Variants in TEAD1 observed in about 807,000 individuals in gnomAD.
TEAD1 encodes TEA domain transcription factor 1, also known as transcriptional enhancer factor TEF-1.
A neutral mutation model predicts 54.9 loss-of-function variants in TEAD1; 9 were observed. That is an observed-to-expected ratio of 0.16 (90% CI 0.10 to 0.29). The LOEUF (loss-of-function observed/expected upper bound fraction) is 0.29, where lower values mean the gene tolerates loss of function less well. Among genes scored for constraint, TEAD1 ranks in the 10% least tolerant of loss-of-function variants. The probability of loss-of-function intolerance (pLI) is 1.00; values close to 1 mark genes in which losing one functional copy is unlikely to be tolerated. For synonymous variants in TEAD1, 200 were observed against 187.8 expected (o/e 1.07, Z -0.53); for missense variants, 387 against 535.9 (o/e 0.72, Z 2.74).
chr11:12,787,539 G>T (rs911784952), intron 3 of TEAD1, among the ~76,000 whole-genome samples: 1 of 152,058 alleles, frequency 6.6e-6, no homozygotes, highest in Non-Finnish European at 1.5e-5. Context: ...GTTGTTTTTC[G>T]TTGCACAGAT....
chr11:12,829,289 T>C (rs10765995), intron 3 of TEAD1, among the ~76,000 whole-genome samples: 152,143 of 152,292 alleles, frequency 1, 75,997 homozygotes, highest in Middle Eastern at 1. Flanking sequence ...AAAACATACG[T>C]GAGAGAATGA....
intron 2 of TEAD1, among the ~76,000 whole-genome samples, chr11:12,760,713 T>C (rs930599026): frequency 1.3e-5 from 2 of 152,194 alleles, no homozygotes; most frequent in African/African-American, 4.8e-5. Flanking sequence ...TCCACACATT[T>C]TTAGGGTTCT....
At position 12,893,147 on chromosome 11, in the gene TEAD1, C is replaced by T. The variant is rs900906649; in HGVS notation, c.700-8793C>T. ...CATCTCATGCTTCGGAATAAGTGGT[C>T]GGAAAGTACATTTGGCCTTCCAGGT... is the stretch of plus-strand genomic sequence containing the variant. On this transcript the variant is annotated intron_variant, in intron 9 of 12. Coordinates refer to ENST00000527636, the MANE Select transcript of TEAD1 (RefSeq NM_021961.6). 3.3e-5 allele frequency among the ~76,000 whole-genome samples: 5 copies of T among 152,300 alleles called. No individual in the cohort carries two copies. The South Asian group carries it at 6.2e-4, about 19-fold the overall frequency.
rs1225331196 is a variant in TEAD1 at position 12,902,095 on chromosome 11, C to T, written c.855C>T (p.Phe285=). 1.9e-6 allele frequency: 3 copies of T among 1,614,128 alleles called. No individual in the cohort carries two copies. In the Admixed American group the frequency reaches 5.0e-5, roughly 27 times the overall value. Residue 285 remains phenylalanine, a synonymous_variant, in exon 10 of 13, where the codon TTC becomes TTT. Transcript: ENST00000527636. ...TTGGAAAGGGCCCTCAAAATGCCTTCTTCCTCGTAAAATTCTGGGTGAGTA... is the reference window on the plus strand; with the variant it reads ...TTGGAAAGGGCCCTCAAAATGCCTTTTTCCTCGTAAAATTCTGGGTGAGTA...
At chr11:12,715,070 G>A (rs1944027074) in intron 2 of TEAD1, among the ~76,000 whole-genome samples, 1 of 152,152 alleles carries the variant, frequency 6.6e-6, no homozygotes, top group Non-Finnish European at 1.5e-5. Context: ...TAGGAATGTA[G>A]CTATGAATAA....
intron 2 of TEAD1, among the ~76,000 whole-genome samples, chr11:12,730,066 T>C (rs1254630243): frequency 1.3e-5 from 2 of 152,228 alleles, no homozygotes; most frequent in Non-Finnish European, 2.9e-5. Context: ...TTAGTACTTA[T>C]TAATACATGT....
At chr11:12,712,447 A>G (rs771937704) in intron 2 of TEAD1, among the ~76,000 whole-genome samples, 9 of 152,236 alleles carry the variant, frequency 5.9e-5, no homozygotes, top group East Asian at 1.9e-4. Flanking sequence ...CAGCTCTGCA[A>G]TTTACCTTGC....
At chr11:12,750,701 C>G (rs1214571823) in intron 2 of TEAD1, among the ~76,000 whole-genome samples, 1 of 152,128 alleles carries the variant, frequency 6.6e-6, no homozygotes, top group Non-Finnish European at 1.5e-5. Context: ...CTTACATTTT[C>G]AGCCTCTGCT....
At chr11:12,794,819 A>T (rs1327078934) in intron 3 of TEAD1, among the ~76,000 whole-genome samples, 2 of 152,232 alleles carry the variant, frequency 1.3e-5, no homozygotes, top group African/African-American at 2.4e-5. Context: ...ATGCCTGGAC[A>T]CATCTCTCAG....
intron 9 of TEAD1, among the ~76,000 whole-genome samples, chr11:12,894,953 G>A (rs1421735441): frequency 1.3e-5 from 2 of 152,274 alleles, no homozygotes; most frequent in African/African-American, 4.8e-5. Flanking sequence ...GTTCTACTAA[G>A]TATACATATT....
intron 2 of TEAD1, among the ~76,000 whole-genome samples, chr11:12,713,666 G>A (rs559529829): frequency 6.6e-6 from 1 of 152,284 alleles, no homozygotes; most frequent in East Asian, 1.9e-4. Flanking sequence ...TAAAATGGCT[G>A]TGTAATAAAG....
intron 3 of TEAD1, among the ~76,000 whole-genome samples, chr11:12,842,457 G>T (rs1363988706): frequency 6.6e-6 from 1 of 152,198 alleles, no homozygotes; most frequent in Admixed American, 6.5e-5. Flanking sequence ...CCACACTGCT[G>T]CCTCATTTAT....
intron 10 of TEAD1, among the ~76,000 whole-genome samples, chr11:12,918,692 A>G (rs1469628948): frequency 2.0e-5 from 3 of 152,194 alleles, no homozygotes; most frequent in Non-Finnish European, 4.4e-5. Flanking sequence ...AGCATATTCA[A>G]GAACGTTCAT....
chr11:12,884,604 A>G (rs1948047942), intron 9 of TEAD1, among the ~76,000 whole-genome samples: 1 of 152,094 alleles, frequency 6.6e-6, no homozygotes, highest in Non-Finnish European at 1.5e-5. Context: ...CATGTGGCCC[A>G]CTCATGTCTT....
chr11:12,688,812 T>C (rs1943390269), intron 2 of TEAD1, among the ~76,000 whole-genome samples: 1 of 152,190 alleles, frequency 6.6e-6, no homozygotes, highest in African/African-American at 2.4e-5. Context: ...CTCTGTTGGT[T>C]CCCCCAACCC....
chr11:12,686,686 CTG>C (rs1205007735), intron 2 of TEAD1, among the ~76,000 whole-genome samples: 2 of 152,060 alleles, frequency 1.3e-5, no homozygotes, highest in African/African-American at 4.8e-5. Context: ...CTGAGGGAGA[CTG>C]TGTAATGATG....
intron 3 of TEAD1, chr11:12,822,544 T>A (rs1028467642): frequency 6.6e-6 from 1 of 152,042 alleles, no homozygotes; most frequent in Non-Finnish European, 1.5e-5. Context: ...AGATGGGGGG[T>A]GGAGGCCTTG....
intron 3 of TEAD1, among the ~76,000 whole-genome samples, chr11:12,772,979 G>C (rs1257945628): frequency 1.3e-5 from 2 of 152,132 alleles, no homozygotes; most frequent in African/African-American, 4.8e-5. Flanking sequence ...TCTGTCCTCT[G>C]TTTATAAAAT....
chr11:12,881,923 C>T lies in TEAD1; in HGVS notation c.540C>T (p.Tyr180=), dbSNP rs151060502. The change falls in exon 8 of 13, where the codon TAC becomes TAT. Residue 180 remains tyrosine, a synonymous_variant. Coordinates refer to ENST00000527636, the MANE Select transcript of TEAD1 (RefSeq NM_021961.6). ...TCAAGCCTTTTGTGCAGCAGGCCTA[C>T]CCCATCCAGCCAGCGGTCACAGCCC... 1.9e-5 allele frequency: 31 copies of T among 1,614,184 alleles called. 1 individual carries two copies. In the East Asian group the frequency reaches 2.2e-4, roughly 12 times the overall value.
Sources: allele counts gnomAD v4.1 joint callset (sites outside exome capture counted in the v4.1 genomes callset), GRCh38; gene constraint gnomAD v4.1.1; transcripts MANE v1.5; gene names NCBI Gene and HGNC (gene_info 2026-07-23, HGNC 2026-07-21).